ARHGAP31: variants seen among roughly 807,000 people sequenced by gnomAD.
ARHGAP31 encodes Rho GTPase activating protein 31.
ARHGAP31 carries 34 observed loss-of-function variants against 113.9 expected under a neutral mutation model. The ratio of observed to expected loss-of-function variants is 0.30; its 90% CI spans 0.23 to 0.40. The LOEUF (loss-of-function observed/expected upper bound fraction) is 0.40. Ranked by LOEUF, ARHGAP31 falls within the 10% of genes least tolerant of loss-of-function variation. The pLI is 1.00. For missense variants in ARHGAP31, 1,548 were observed against 1,767.1 expected, an observed-to-expected ratio of 0.88 and a Z score of 2.22; for synonymous variants, 650 against 684.8, an observed-to-expected ratio of 0.95 and a Z score of 0.79.
At chr3:119,361,680 C>A (rs796399775) in intron 1 of ARHGAP31, among the ~76,000 whole-genome samples, 1 of 152,226 alleles carries the variant, frequency 6.6e-6, no homozygotes, top group African/African-American at 2.4e-5. Context: ...CTGTGCCCAG[C>A]GGTCCTTCAA....
chr3:119,415,621 G>A lies in ARHGAP31; in HGVS notation c.3692G>A (p.Arg1231Lys). The A allele has an allele frequency of 2.5e-6, 4 of 1,614,118 alleles. No individual in the cohort carries two copies. Among genetic ancestry groups the A allele is most frequent in the Non-Finnish European group, 3.4e-6 (4 of 1,180,018 alleles). ...SGENGVQPLE[R>K]SQEGPSSTSG... ...GAGAATGGGGTTCAGCCTCTGGAGAGGAGCCAGGAGGGACCCAGCTCAACC... is the reference window on the plus strand; with the variant it reads ...GAGAATGGGGTTCAGCCTCTGGAGAAGAGCCAGGAGGGACCCAGCTCAACC... Residue 1231 changes from arginine (R) to lysine (K), a missense_variant, in exon 12 of 12, where the codon AGG (arginine) becomes AAG (lysine). Physicochemically the swap from Arg to Lys is conservative, Grantham distance 26. Transcript: ENST00000264245.
chr3:119,340,535 G>C (rs550974709), intron 1 of ARHGAP31, among the ~76,000 whole-genome samples: 1 of 152,254 alleles, frequency 6.6e-6, no homozygotes, highest in Admixed American at 6.5e-5. Context: ...CCTTATGTGG[G>C]GCAGAGCCTG....
At chr3:119,317,973 C>CGA (rs2079748597) in intron 1 of ARHGAP31, among the ~76,000 whole-genome samples, 1 of 152,032 alleles carries the variant, frequency 6.6e-6, no homozygotes, top group Non-Finnish European at 1.5e-5. Flanking sequence ...GCTGTTCTTT[C>CGA]AGCTGAAGAG....
At position 119,413,760 on chromosome 3, in the gene ARHGAP31, G is replaced by A. The variant is rs1577036043; in HGVS notation, c.1927-96G>A. 3 of 1,560,142 alleles carry A rather than the reference G, an allele frequency of 1.9e-6. No individual in the cohort carries two copies. In the East Asian group the frequency reaches 6.7e-5, roughly 35 times the overall value. On this transcript the variant is annotated intron_variant, in intron 11 of 11. Transcript: ENST00000264245. ...TCCTGTATTTGCTGAACTGGCACAG[G>A]CTGGTGCTGTCAGTCCCTTCCCTCT...
chr3:119,310,614 T>C (rs1451784253), intron 1 of ARHGAP31, among the ~76,000 whole-genome samples: 1 of 152,232 alleles, frequency 6.6e-6, no homozygotes, highest in African/African-American at 2.4e-5. Flanking sequence ...AGGTTCCTTA[T>C]AAGAATCTAC....
At position 119,409,674 on chromosome 3, in the gene ARHGAP31, G is replaced by A. The variant is rs760570856; in HGVS notation, c.1824G>A (p.Pro608=). ...HLNELEKRPN[P]EKVVEEGREA... The stretch of plus-strand genomic sequence containing the variant: ...ATGAATTAGAGAAGAGGCCAAATCC[G>A]GAGAAGGTGGTGGAGGAGGGACGAG... Residue 608 remains proline (P), a synonymous_variant, in exon 11 of 12, where the codon CCG becomes CCA. Coordinates refer to ENST00000264245, the MANE Select transcript of ARHGAP31 (RefSeq NM_020754.4). 2.5e-5 allele frequency: 40 copies of A among 1,611,350 alleles called. No individual in the cohort carries two copies. Among genetic ancestry groups the A allele is most frequent in the East Asian group, 6.7e-5 (3 of 44,774 alleles).
chr3:119,390,308 T>C (rs1299147154), intron 6 of ARHGAP31, among the ~76,000 whole-genome samples: 1 of 152,226 alleles, frequency 6.6e-6, no homozygotes, highest in Admixed American at 6.5e-5. Flanking sequence ...AGGTTCTAAC[T>C]TGAAATGGCC....
chr3:119,407,689 A>G (rs1429972734), intron 10 of ARHGAP31, among the ~76,000 whole-genome samples: 1 of 152,246 alleles, frequency 6.6e-6, no homozygotes, highest in Non-Finnish European at 1.5e-5. Context: ...TGGTCTGGGA[A>G]GCCTTGAAAG....
chr3:119,415,068 G>A lies in ARHGAP31; in HGVS notation c.3139G>A (p.Gly1047Arg), dbSNP rs967366118. 6.2e-7 allele frequency: 1 copy of A among 1,614,210 alleles called. No homozygotes were observed. The highest frequency in any genetic ancestry group is 8.5e-7 in the Non-Finnish European group (1 of 1,180,036). ...CAGCCTAGCAGAGGGAAAGGAGCTA[G>A]GGACACACCTGGGGCACAGCAGTCC... ...PISLAEGKEL[G>R]THLGHSSPQI... is the part of the protein sequence containing the mutation. Residue 1047 changes from glycine to arginine, a missense_variant, in exon 12 of 12, where the codon GGG becomes AGG. Transcript: ENST00000264245.
At chr3:119,350,072 A>T (rs2080097778) in intron 1 of ARHGAP31, among the ~76,000 whole-genome samples, 1 of 152,188 alleles carries the variant, frequency 6.6e-6, no homozygotes. Flanking sequence ...CTACTTGTAG[A>T]ATAAGAAAAC....
chr3:119,368,311 A>T (rs2107624239), intron 2 of ARHGAP31, 61 bp from the exon 3 acceptor site: 1 of 1,600,974 alleles, frequency 6.2e-7, no homozygotes, highest in East Asian at 2.2e-5. Flanking sequence ...GCAGCCAAGC[A>T]GCTGCTGACA....
chr3:119,304,130 G>C (rs767872361), intron 1 of ARHGAP31, among the ~76,000 whole-genome samples: 10 of 152,110 alleles, frequency 6.6e-5, no homozygotes, highest in Non-Finnish European at 1.0e-4. Flanking sequence ...TCTGGAATGG[G>C]ACTTTCAATT....
intron 1 of ARHGAP31, among the ~76,000 whole-genome samples, chr3:119,305,670 A>G (rs2079625910): frequency 6.6e-6 from 1 of 152,206 alleles, no homozygotes; most frequent in Non-Finnish European, 1.5e-5. Context: ...TTTGGGGCCT[A>G]TATTTGGAAG....
intron 6 of ARHGAP31, 100 bp downstream of exon 6, chr3:119,383,326 C>CT: frequency 6.7e-7 from 1 of 1,483,994 alleles, no homozygotes. Flanking sequence ...AGTTCTAGCT[C>CT]TGAGTGTTGG....
intron 10 of ARHGAP31, among the ~76,000 whole-genome samples, chr3:119,403,666 T>A (rs2080634003): frequency 6.6e-6 from 1 of 152,146 alleles, no homozygotes; most frequent in Non-Finnish European, 1.5e-5. Context: ...GGAGAGACAG[T>A]CCTCTCAGGA....
At chr3:119,299,248 G>A (rs1172457358) in intron 1 of ARHGAP31, among the ~76,000 whole-genome samples, 1 of 152,190 alleles carries the variant, frequency 6.6e-6, no homozygotes, top group Non-Finnish European at 1.5e-5. Flanking sequence ...TAGGCAGGTT[G>A]TAATCTCTGC....
chr3:119,302,436 G>A (rs887708313), intron 1 of ARHGAP31, among the ~76,000 whole-genome samples: 2 of 152,224 alleles, frequency 1.3e-5, no homozygotes, highest in African/African-American at 2.4e-5. Context: ...CTGCTGAATG[G>A]CTGAAGGGAA....
chr3:119,345,995 TCTC>T (rs1376515043), intron 1 of ARHGAP31, among the ~76,000 whole-genome samples: 2 of 152,184 alleles, frequency 1.3e-5, no homozygotes, highest in Admixed American at 6.5e-5. Context: ...ATCCGTCACA[TCTC>T]CTGCATCCTG....
chr3:119,400,758 C>G (rs2080597359), intron 9 of ARHGAP31, among the ~76,000 whole-genome samples: 1 of 152,156 alleles, frequency 6.6e-6, no homozygotes, highest in Non-Finnish European at 1.5e-5. Flanking sequence ...GTAAGATGCC[C>G]AGTTTAGTGC....
Sources: allele counts gnomAD v4.1 joint callset (sites outside exome capture counted in the v4.1 genomes callset), GRCh38; gene constraint gnomAD v4.1.1; transcripts MANE v1.5; gene names NCBI Gene and HGNC (gene_info 2026-07-23, HGNC 2026-07-21).